F13A1: variants seen among roughly 807,000 people sequenced by gnomAD.
F13A1 encodes the protein coagulation factor XIII A chain, also known as FSF, A subunit.
In F13A1, 47 loss-of-function variants were observed where a neutral mutation model predicts 80.1. That is an observed-to-expected ratio of 0.59 (90% CI 0.46 to 0.75). The LOEUF (loss-of-function observed/expected upper bound fraction) is 0.75. Ranked by LOEUF, F13A1 falls within the 30% of genes least tolerant of loss-of-function variation. The probability of loss-of-function intolerance (pLI) is 0.00; values close to 1 mark genes in which losing one functional copy is unlikely to be tolerated. For missense variants in F13A1, 817 were observed against 930.4 expected, an observed-to-expected ratio of 0.88 and a Z score of 1.59; for synonymous variants, 349 against 344.9, an observed-to-expected ratio of 1.01 and a Z score of -0.13.
At chr6:6,190,247 CT>C (rs1484047137) in intron 10 of F13A1, among the ~76,000 whole-genome samples, 3 of 152,236 alleles carry the variant, frequency 2.0e-5, no homozygotes, top group African/African-American at 4.8e-5. Flanking sequence ...CTCCGTCCAG[CT>C]TTGTTCCTTT....
rs1757503719 is a variant in F13A1 at position 6,243,037 on chromosome 6, T to C, written c.798+5275A>G. ...TTTTGTTCACAATTGTACTCCAGTG[T>C]TCAGACTGGTAGATTGCCATAAACA... On this transcript the variant is annotated intron_variant, in intron 6 of 14. Coordinates refer to ENST00000264870, the MANE Select transcript of F13A1 (RefSeq NM_000129.4). The surrounding 1 kb of genome is among the most constrained non-coding windows in gnomAD (Gnocchi z 4.2). Among the ~76,000 whole-genome samples, 2 of 152,176 alleles carry C rather than the reference T, an allele frequency of 1.3e-5. No homozygotes were observed. Among genetic ancestry groups the C allele is most frequent in the Admixed American group, 1.3e-4 (2 of 15,272 alleles).
intron 1 of F13A1, among the ~76,000 whole-genome samples, chr6:6,319,030 CCTGTTATATGCATGTGCT>C (rs1758730698): frequency 6.6e-6 from 1 of 152,198 alleles, no homozygotes; most frequent in Non-Finnish European, 1.5e-5. Context: ...AGAAATGTTT[CCTGTTATATGCATGTGCT>C]GTATCTATGT....
chr6:6,234,783 G>T (rs1757394131), intron 6 of F13A1, among the ~76,000 whole-genome samples: 1 of 151,902 alleles, frequency 6.6e-6, no homozygotes, highest in Non-Finnish European at 1.5e-5. Flanking sequence ...TTGTAGTGAA[G>T]AAATATTTAT....
intron 3 of F13A1, among the ~76,000 whole-genome samples, chr6:6,275,337 A>G (rs575959864): frequency 8.1e-5 from 12 of 147,562 alleles, no homozygotes; most frequent in African/African-American, 3.1e-4. Flanking sequence ...AGTGCCTACA[A>G]GGTGCCAGGC....
intron 11 of F13A1, among the ~76,000 whole-genome samples, chr6:6,180,366 T>G (rs1372221888): frequency 6.6e-6 from 1 of 152,200 alleles, no homozygotes; most frequent in Non-Finnish European, 1.5e-5. Flanking sequence ...CAGTGAGGGC[T>G]GCCTTCTGCT....
intron 13 of F13A1, among the ~76,000 whole-genome samples, chr6:6,161,169 C>A (rs1760566461): frequency 6.6e-6 from 1 of 152,140 alleles, no homozygotes; most frequent in South Asian, 2.1e-4. Flanking sequence ...GGCCTCCCTG[C>A]ATGAGGAAGG....
chr6:6,180,966 C>T (rs1760972462), intron 11 of F13A1, among the ~76,000 whole-genome samples: 1 of 152,138 alleles, frequency 6.6e-6, no homozygotes. Flanking sequence ...ATAAATACTC[C>T]TAAGAACCTC....
chr6:6,309,258 A>C (rs559190877), intron 2 of F13A1, among the ~76,000 whole-genome samples: 1 of 152,340 alleles, frequency 6.6e-6, no homozygotes, highest in African/African-American at 2.4e-5. Flanking sequence ...AGATGCTAAA[A>C]TGTGGACAGA....
intron 6 of F13A1, among the ~76,000 whole-genome samples, chr6:6,238,908 G>A (rs1347570691): frequency 1.3e-5 from 2 of 152,124 alleles, no homozygotes; most frequent in Non-Finnish European, 2.9e-5. Context: ...GTTGCTGGCA[G>A]GAATGTAAAA....
chr6:6,288,063 A>G (rs1168386227), intron 3 of F13A1, among the ~76,000 whole-genome samples: 3 of 152,224 alleles, frequency 2.0e-5, no homozygotes, highest in Non-Finnish European at 1.5e-5. Flanking sequence ...TGAAGTTTTG[A>G]TCTATGTATA....
chr6:6,197,430 A>G, intron 8 of F13A1, 104 bp from the exon 9 acceptor site: 1 of 1,132,412 alleles, frequency 8.8e-7, no homozygotes, highest in Non-Finnish European at 1.3e-6. Context: ...CTGTAATCCC[A>G]GCAATTTGGG....
At chr6:6,252,134 G>T (rs1226861824) in intron 4 of F13A1, among the ~76,000 whole-genome samples, 1 of 152,148 alleles carries the variant, frequency 6.6e-6, no homozygotes. Flanking sequence ...AATATGGAAA[G>T]TTCTACATAA....
intron 3 of F13A1, among the ~76,000 whole-genome samples, chr6:6,298,111 G>C (rs538499928): frequency 0.012 from 1,845 of 149,020 alleles, 61 homozygotes; most frequent in African/African-American, 0.044. Context: ...TGGTCTGAGA[G>C]ATAGTTTGTT....
At chr6:6,206,710 A>G (rs973448851) in intron 8 of F13A1, 1 of 384,182 alleles carries the variant, frequency 2.6e-6, no homozygotes, top group Non-Finnish European at 5.4e-6. Context: ...CATTAGGCTG[A>G]AACTAAATCC....
At chr6:6,166,971 G>A (rs1048275142) in intron 13 of F13A1, among the ~76,000 whole-genome samples, 1 of 152,146 alleles carries the variant, frequency 6.6e-6, no homozygotes, top group Admixed American at 6.5e-5. Flanking sequence ...TGGTTGCAAG[G>A]CACACGCACA....
chr6:6,151,285 C>A (rs1324897944), intron 14 of F13A1, among the ~76,000 whole-genome samples: 21 of 149,898 alleles, frequency 1.4e-4, no homozygotes, highest in Admixed American at 1.4e-3. Flanking sequence ...TAAAAAAAAA[C>A]CTGAATCCAA....
At chr6:6,307,274 G>C (rs928484248) in intron 2 of F13A1, among the ~76,000 whole-genome samples, 8 of 152,122 alleles carry the variant, frequency 5.3e-5, no homozygotes, top group African/African-American at 1.9e-4. Flanking sequence ...AGAAAGTGCA[G>C]GATGCAGTTT....
intron 8 of F13A1, among the ~76,000 whole-genome samples, chr6:6,210,680 C>A (rs1397308548): frequency 6.6e-6 from 1 of 151,814 alleles, no homozygotes; most frequent in African/African-American, 2.4e-5. Context: ...AGGTGTGAGC[C>A]ACCTCACCAG....
chr6:6,174,535 G>A, intron 12 of F13A1, 45 bp downstream of exon 12: 2 of 1,603,064 alleles, frequency 1.2e-6, no homozygotes, highest in South Asian at 1.1e-5. Context: ...CAAGACAGGG[G>A]CCAGACAGCG....
Sources: allele counts gnomAD v4.1 joint callset (sites outside exome capture counted in the v4.1 genomes callset), GRCh38; gene constraint gnomAD v4.1.1; non-coding constraint Gnocchi (gnomAD v3.1); transcripts MANE v1.5; gene names NCBI Gene and HGNC (gene_info 2026-07-23, HGNC 2026-07-21).